PCDH15: variants seen among roughly 807,000 people sequenced by gnomAD.
PCDH15 encodes the protein protocadherin-15.
PCDH15 carries 129 observed loss-of-function variants against 178.5 expected under a neutral mutation model. That is an observed-to-expected ratio of 0.72 (90% CI 0.63 to 0.84). The LOEUF (loss-of-function observed/expected upper bound fraction) is 0.84, where lower values mean the gene tolerates loss of function less well. PCDH15 is among the 40% of genes least tolerant of loss of function. PCDH15 has a pLI of 0.00. For missense variants in PCDH15, 2,230 were observed against 2,099.9 expected (o/e 1.06, Z -1.21); for synonymous variants, 800 against 732.0 (o/e 1.09, Z -1.50).
rs1305293267 is a variant in PCDH15 at position 54,666,093 on chromosome 10, T to C, written c.-28-1803A>G. On this transcript the variant is annotated intron_variant, in intron 1 of 37. Coordinates refer to ENST00000644397, the MANE Select transcript of PCDH15 (RefSeq NM_001384140.1). ...TCATAAGATTGTCTTAAACATTAAA[T>C]ACGTAAGGGAATATAAATACGTGCT... 2.6e-5 allele frequency among the ~76,000 whole-genome samples: 4 copies of C among 152,072 alleles called. No homozygotes were observed. In the East Asian group the frequency reaches 5.8e-4, roughly 22 times the overall value.
chr10:54,434,693 T>C (rs2075266369), intron 3 of PCDH15, among the ~76,000 whole-genome samples: 1 of 152,226 alleles, frequency 6.6e-6, no homozygotes, highest in African/African-American at 2.4e-5. Context: ...AATCAAGGCA[T>C]GACTGTATAT....
intron 5 of PCDH15, among the ~76,000 whole-genome samples, chr10:54,362,932 A>G (rs1340586989): frequency 6.6e-6 from 1 of 152,120 alleles, no homozygotes; most frequent in Non-Finnish European, 1.5e-5. Flanking sequence ...ATTTATTATA[A>G]TAATCTGGAA....
chr10:53,875,767 T>A (rs1159208478), intron 26 of PCDH15, among the ~76,000 whole-genome samples: 2 of 152,206 alleles, frequency 1.3e-5, no homozygotes, highest in African/African-American at 4.8e-5. Context: ...TTTTAATGGA[T>A]ACAGATGTAC....
At chr10:55,478,851 C>A (rs192171626) in intron 2 of PCDH15, among the ~76,000 whole-genome samples, 1 of 149,786 alleles carries the variant, frequency 6.7e-6, no homozygotes, top group East Asian at 2.0e-4. Flanking sequence ...ATATTATTAA[C>A]AACCATACAC....
intron 2 of PCDH15, among the ~76,000 whole-genome samples, chr10:55,578,871 G>A (rs1842548996): frequency 6.6e-6 from 1 of 152,138 alleles, no homozygotes; most frequent in South Asian, 2.1e-4. Context: ...CATGAGAACA[G>A]CAGGGGGAAG....
chr10:54,191,145 A>C (rs551527430), intron 11 of PCDH15, among the ~76,000 whole-genome samples: 1 of 152,266 alleles, frequency 6.6e-6, no homozygotes, highest in Admixed American at 6.5e-5. Flanking sequence ...GAGTTCCCAA[A>C]CCCTATTAAG....
At position 55,424,425 on chromosome 10, in the gene PCDH15, G is replaced by A. The variant is rs73259639; in HGVS notation, c.-156+203200C>T. Among the ~76,000 whole-genome samples the A allele has an allele frequency of 5.5e-3, 835 of 152,166 alleles. 13 individuals carry two copies. The highest frequency in any genetic ancestry group is 0.019 in the African/African-American group (782 of 41,516). ...CCTGAGAAAGGCTGCTTCTGTCCTG[G>A]TCTTACACTATGAAAGGTCTCACAT... On this transcript the variant is annotated intron_variant, in intron 2 of 5. Transcript: ENST00000613346.
intron 2 of PCDH15, among the ~76,000 whole-genome samples, chr10:55,339,321 T>C (rs1166078949): frequency 7.2e-6 from 1 of 139,172 alleles, no homozygotes; most frequent in East Asian, 2.0e-4. Flanking sequence ...CAACAAAGAA[T>C]TTACTACAAT....
chr10:54,361,468 C>A (rs1003090081), intron 5 of PCDH15, among the ~76,000 whole-genome samples: 8 of 152,042 alleles, frequency 5.3e-5, no homozygotes, highest in African/African-American at 1.7e-4. Flanking sequence ...CTATTCATTG[C>A]ATGCACCCAG....
intron 8 of PCDH15, among the ~76,000 whole-genome samples, chr10:54,253,401 C>T (rs1344348319): frequency 1.3e-5 from 2 of 151,986 alleles, no homozygotes; most frequent in East Asian, 3.9e-4. Context: ...ATCACATTCA[C>T]TAGCACACTG....
intron 1 of PCDH15, among the ~76,000 whole-genome samples, chr10:55,289,122 G>A (rs1842947196): frequency 6.6e-6 from 1 of 152,070 alleles, no homozygotes; most frequent in East Asian, 1.9e-4. Flanking sequence ...GCGTACTAAA[G>A]TCTATCATTG....
intron 2 of PCDH15, among the ~76,000 whole-genome samples, chr10:55,473,021 A>G (rs189896104): frequency 1.3e-5 from 2 of 152,348 alleles, no homozygotes; most frequent in East Asian, 3.9e-4. Flanking sequence ...ACATGATCTT[A>G]CAACATTAGA....
chr10:55,437,832 C>CTTTTT (rs778307616), intron 2 of PCDH15, among the ~76,000 whole-genome samples: 308 of 84,652 alleles, frequency 3.6e-3, no homozygotes, highest in Non-Finnish European at 4.8e-3. Flanking sequence ...TATTGCTTTT[C>CTTTTT]TTTTTTTTTT....
At chr10:53,976,266 C>A (rs532248918) in intron 21 of PCDH15, among the ~76,000 whole-genome samples, 1 of 151,968 alleles carries the variant, frequency 6.6e-6, no homozygotes, top group Non-Finnish European at 1.5e-5. Context: ...CATGCTTAAC[C>A]CTAGGTAATG....
chr10:54,211,840 A>C (rs186376774), intron 10 of PCDH15, among the ~76,000 whole-genome samples: 1 of 152,202 alleles, frequency 6.6e-6, no homozygotes, highest in Non-Finnish European at 1.5e-5. Context: ...ATGCCACAAT[A>C]CTCAGTTATT....
rs527751187 is a variant in PCDH15 at position 54,118,818 on chromosome 10, G to A, written c.1917+14057C>T. ...AATGATGAATTAGAGACTTTGGTGC[G>A]CCTCAGCCACTTGAAAATAGCAAAA... On this transcript the variant is annotated intron_variant, in intron 15 of 37. Coordinates refer to ENST00000644397, the MANE Select transcript of PCDH15 (RefSeq NM_001384140.1). 5.7e-4 allele frequency among the ~76,000 whole-genome samples: 86 copies of A among 150,584 alleles called. No homozygotes were observed. In the Middle Eastern group the frequency reaches 0.017, roughly 30 times the overall value.
At chr10:54,810,207 TG>T (rs1952841183) in intron 3 of PCDH15, among the ~76,000 whole-genome samples, 1 of 152,130 alleles carries the variant, frequency 6.6e-6, no homozygotes. Flanking sequence ...TTATGATAAG[TG>T]GGTCTGTGTG....
chr10:55,077,309 AGTGTATTTGTCTG>A (rs1841920511), intron 2 of PCDH15, among the ~76,000 whole-genome samples: 1 of 151,870 alleles, frequency 6.6e-6, no homozygotes. Context: ...TTCCTTTCAC[AGTGTATTTGTCTG>A]GTTGTTTTGC....
chr10:54,701,163 G>T (rs903766337), intron 1 of PCDH15, among the ~76,000 whole-genome samples: 2 of 151,958 alleles, frequency 1.3e-5, no homozygotes, highest in Non-Finnish European at 2.9e-5. Context: ...AAGATAATCT[G>T]GGTCTTATCT....
Sources: gnomAD v4.1 joint callset for allele counts (sites outside exome capture counted in the v4.1 genomes callset) on GRCh38, gnomAD v4.1.1 for gene constraint, MANE v1.5 for transcripts, NCBI Gene and HGNC (gene_info 2026-07-23, HGNC 2026-07-21) for gene names.